Variants in KANTR observed in about 807,000 individuals in gnomAD.
KANTR encodes the protein KDM5C adjacent transcript.
chrX:53,097,350 G>GTTTTTT (rs781783647), intron 1 of KANTR, among the ~76,000 whole-genome samples: 36,014 of 67,320 alleles, frequency 0.53, 10,006 homozygotes, highest in East Asian at 0.67. Flanking sequence ...TTTGTTTTAA[G>GTTTTTT]TTTTTTTTTT....
chrX:53,105,846 G>GTT (rs1409354341), intron 2 of KANTR, among the ~76,000 whole-genome samples: 1 of 82,689 alleles, frequency 1.2e-5, no homozygotes, highest in African/African-American at 4.6e-5. Context: ...CAGATAATAT[G>GTT]TTTTTTTCTT....
chrX:53,130,572 G>A (rs957997246), downstream of KANTR, among the ~76,000 whole-genome samples: 1 of 112,738 alleles, frequency 8.9e-6, no homozygotes, highest in South Asian at 3.6e-4. Context: ...ACTGGGGATA[G>A]TAGTAATATG....
At chrX:53,143,168 C>T (rs1224994870), downstream of KANTR, 13 of 906,900 alleles carry the variant, frequency 1.4e-5, no homozygotes, top group African/African-American at 1.2e-4. Context: ...CACTTGTTGC[C>T]GATGGTGATG....
intron 1 of KANTR, chrX:53,094,530 C>A (rs1316892167): frequency 8.9e-6 from 1 of 111,782 alleles, no homozygotes; most frequent in Non-Finnish European, 1.9e-5. Context: ...GGCCCCACCT[C>A]CCACCCTCAG....
At chrX:53,126,192 A>T (rs1295013983) in exon 3 of KANTR, 3 of 109,962 alleles carry the variant, frequency 2.7e-5, no homozygotes, top group South Asian at 3.8e-4. Context: ...ATTTTTTTTT[A>T]ATTCTACTTT....
At chrX:53,117,609 G>GTGT (rs1178845802) in intron 2 of KANTR, among the ~76,000 whole-genome samples, 9 of 63,873 alleles carry the variant, frequency 1.4e-4, no homozygotes, top group African/African-American at 5.5e-4. Context: ...GTGTGTGTGT[G>GTGT]TTTTTTTTTT....
intron 2 of KANTR, chrX:53,112,929 C>T (rs1933063451): frequency 8.8e-6 from 1 of 113,901 alleles, no homozygotes; most frequent in Admixed American, 9.6e-5. Flanking sequence ...TCATTTTTCC[C>T]CCTATGACTG....
At position 53,137,661 on chromosome X, in the gene KANTR, C is replaced by T. The variant is rs184220392; in HGVS notation, n.204-4187C>T. On this transcript the variant is annotated intron_variant and non_coding_transcript_variant, in intron 2 of 2. Transcript: ENST00000366185. The stretch of plus-strand genomic sequence containing the variant: ...GCACATGCCTGTAATCCCAGCTACT[C>T]GGGAGGCTGAGGCAGGAGAATCACT... 7.2e-3 allele frequency among the ~76,000 whole-genome samples: 794 copies of T among 109,540 alleles called. 5 individuals are homozygous for T. The highest frequency in any genetic ancestry group is 0.011 in the Non-Finnish European group (590 of 52,587).
downstream of KANTR, among the ~76,000 whole-genome samples, chrX:53,128,971 A>G (rs1369266827): frequency 9.0e-6 from 1 of 110,653 alleles, no homozygotes; most frequent in Admixed American, 9.7e-5. Context: ...ATTTTATGCA[A>G]ACATTGTTTG....
downstream of KANTR, among the ~76,000 whole-genome samples, chrX:53,129,599 G>T (rs73634285): frequency 9.1e-6 from 1 of 109,346 alleles, no homozygotes; most frequent in Admixed American, 9.8e-5. Context: ...TAGGACACTC[G>T]TCTGGTTTCT....
exon 3 of KANTR, chrX:53,124,377 C>G (rs1933266843): frequency 6.8e-6 from 2 of 295,096 alleles, no homozygotes; most frequent in Admixed American, 1.2e-4. Context: ...TTTCAAAGAA[C>G]CAACTTTTGG....
exon 1 of KANTR, chrX:53,094,197 T>A (rs1357173726): frequency 8.8e-6 from 1 of 113,100 alleles, no homozygotes; most frequent in Non-Finnish European, 1.9e-5. Context: ...AAGGGTTCCG[T>A]CCAGCGTATC....
chrX:53,133,891 T>A (rs1569240484), intron 2 of KANTR, among the ~76,000 whole-genome samples: 2 of 111,532 alleles, frequency 1.8e-5, no homozygotes, highest in Non-Finnish European at 3.8e-5. Flanking sequence ...TCTTGTAAAC[T>A]CTTAGGGAAA....
intron 2 of KANTR, among the ~76,000 whole-genome samples, chrX:53,105,251 T>C (rs1932934051): frequency 8.9e-6 from 1 of 111,779 alleles, no homozygotes; most frequent in Non-Finnish European, 1.9e-5. Flanking sequence ...CTATCAGCAG[T>C]GTATGAAGGT....
At chrX:53,116,589 G>A (rs1933127164) in intron 2 of KANTR, among the ~76,000 whole-genome samples, 1 of 111,767 alleles carries the variant, frequency 8.9e-6, no homozygotes, top group Admixed American at 9.5e-5. Flanking sequence ...GAGATAGGGA[G>A]GGTTAGGGAG....
chrX:53,099,512 C>T (rs1188090897), exon 2 of KANTR: 1 of 111,801 alleles, frequency 8.9e-6, no homozygotes, highest in African/African-American at 3.3e-5. Context: ...TGAAAGTCAT[C>T]CCTGAGGTTT....
intron 2 of KANTR, among the ~76,000 whole-genome samples, chrX:53,108,205 A>AT (rs782550643): frequency 0.023 from 1,643 of 70,256 alleles, 16 homozygotes; most frequent in Middle Eastern, 0.089. Flanking sequence ...TTTTTTCTTA[A>AT]TTTTTTTTTT....
At chrX:53,129,675 G>C (rs1205036919), downstream of KANTR, among the ~76,000 whole-genome samples, 2 of 109,593 alleles carry the variant, frequency 1.8e-5, no homozygotes, top group Non-Finnish European at 3.8e-5. Flanking sequence ...TTCTCTGGCT[G>C]CTTTGAAGGT....
chrX:53,113,718 T>G (rs1933079072), intron 2 of KANTR, among the ~76,000 whole-genome samples: 1 of 106,220 alleles, frequency 9.4e-6, no homozygotes, highest in Non-Finnish European at 1.9e-5. Flanking sequence ...TAGCTGGGAT[T>G]ACAGGCGCAT....
Sources: gnomAD v4.1 joint callset for allele counts (sites outside exome capture counted in the v4.1 genomes callset) on GRCh38, gnomAD v4.1.1 for gene constraint, MANE v1.5 for transcripts, NCBI Gene and HGNC (gene_info 2026-07-23, HGNC 2026-07-21) for gene names.